MGAT4C: variants seen among roughly 807,000 people sequenced by gnomAD.
The protein encoded by MGAT4C is MGAT4 family member C, also known as alpha-1,3-mannosyl-glycoprotein 4-beta-N-acetylglucosaminyltransferase C.
MGAT4C carries 19 observed loss-of-function variants against 40.1 expected under a neutral mutation model. The ratio of observed to expected loss-of-function variants is 0.47; its 90% CI spans 0.33 to 0.70. MGAT4C has a LOEUF of 0.70. MGAT4C is among the 30% of genes least tolerant of loss of function. The pLI is 0.02. For missense variants in MGAT4C, 491 were observed against 563.2 expected (o/e 0.87, Z 1.30); for synonymous variants, 181 against 187.1 (o/e 0.97, Z 0.27).
intron 2 of MGAT4C, among the ~76,000 whole-genome samples, chr12:86,585,754 T>C (rs10858447): frequency 9.7e-5 from 14 of 143,896 alleles, no homozygotes; most frequent in Non-Finnish European, 1.8e-4. Flanking sequence ...TTAATTTTTC[T>C]TTTTTTTTTT....
At chr12:86,342,605 A>AT (rs1954928143) in intron 3 of MGAT4C, among the ~76,000 whole-genome samples, 1 of 151,926 alleles carries the variant, frequency 6.6e-6, no homozygotes, top group African/African-American at 2.4e-5. Flanking sequence ...CGCCCGGCTA[A>AT]TTTTTTTGTA....
chr12:86,666,054 T>C (rs981209961), intron 2 of MGAT4C, among the ~76,000 whole-genome samples: 4 of 152,144 alleles, frequency 2.6e-5, no homozygotes, highest in African/African-American at 7.2e-5. Context: ...ACTTGGCCAA[T>C]GAAACTGGAA....
At chr12:86,017,959 A>G (rs1277677380) in intron 2 of MGAT4C, among the ~76,000 whole-genome samples, 5 of 152,164 alleles carry the variant, frequency 3.3e-5, no homozygotes, top group African/African-American at 1.2e-4. Context: ...AAAAATGCTC[A>G]TTTATTAAGG....
intron 1 of MGAT4C, among the ~76,000 whole-genome samples, chr12:86,811,962 T>C (rs928718534): frequency 1.3e-5 from 2 of 152,268 alleles, no homozygotes; most frequent in Non-Finnish European, 2.9e-5. Context: ...TATACATTTT[T>C]CTCTCAGCAT....
intron 2 of MGAT4C, among the ~76,000 whole-genome samples, chr12:86,472,743 T>C (rs561493720): frequency 6.6e-6 from 1 of 152,234 alleles, no homozygotes; most frequent in South Asian, 2.1e-4. Flanking sequence ...AGAAGCAGTT[T>C]TGAGTCTTAG....
chr12:86,213,649 A>G (rs1477402150), intron 1 of MGAT4C, among the ~76,000 whole-genome samples: 1 of 152,228 alleles, frequency 6.6e-6, no homozygotes, highest in Admixed American at 6.5e-5. Flanking sequence ...CTGAAAATGC[A>G]TCAGCATGCT....
At chr12:86,291,848 AAG>A (rs1953526728) in intron 4 of MGAT4C, among the ~76,000 whole-genome samples, 1 of 152,150 alleles carries the variant, frequency 6.6e-6, no homozygotes, top group South Asian at 2.1e-4. Context: ...GGGTAAGTGG[AAG>A]ATATGAAAAA....
intron 2 of MGAT4C, among the ~76,000 whole-genome samples, chr12:86,475,790 T>G (rs1957825785): frequency 6.6e-6 from 1 of 152,088 alleles, no homozygotes; most frequent in Non-Finnish European, 1.5e-5. Context: ...CTGCTATAAA[T>G]ACAAATTGAT....
chr12:85,972,769 T>C lies in MGAT4C; in HGVS notation c.*6520A>G, dbSNP rs1167895101. 6.6e-6 allele frequency: 1 copy of C among 151,038 alleles called. No individual in the cohort carries two copies. The highest frequency in any genetic ancestry group is 2.4e-5 in the African/African-American group (1 of 41,342). 9.4% of individuals were successfully genotyped at this position (151,038 alleles called of 1,614,324 possible). On this transcript the variant is annotated 3_prime_UTR_variant, in exon 5 of 5. Transcript: ENST00000611864. ...AAGGATCTGAGATAATTATTCTAAC[T>C]TTTTGGAACTATACTTTCACTCATT... is the stretch of plus-strand genomic sequence containing the variant.
chr12:86,808,527 A>AAC (rs1952407364), intron 1 of MGAT4C, among the ~76,000 whole-genome samples: 1 of 152,102 alleles, frequency 6.6e-6, no homozygotes, highest in African/African-American at 2.4e-5. Context: ...AAAGACAAGA[A>AAC]ACACATGGTT....
intron 1 of MGAT4C, among the ~76,000 whole-genome samples, chr12:86,150,205 C>G (rs548197837): frequency 1.3e-5 from 2 of 152,172 alleles, no homozygotes; most frequent in African/African-American, 4.8e-5. Context: ...GCTGATCTTA[C>G]AAGACATGAA....
chr12:86,437,590 T>C (rs1273870948), intron 2 of MGAT4C, among the ~76,000 whole-genome samples: 1 of 151,952 alleles, frequency 6.6e-6, no homozygotes, highest in African/African-American at 2.4e-5. Flanking sequence ...ATTTGCTTTA[T>C]TGTACTTTGT....
intron 2 of MGAT4C, among the ~76,000 whole-genome samples, chr12:86,703,380 A>T (rs1313834418): frequency 6.6e-6 from 1 of 151,756 alleles, no homozygotes. Flanking sequence ...TTGTAAAAGG[A>T]AGAGTAAATA....
intron 2 of MGAT4C, among the ~76,000 whole-genome samples, chr12:86,559,698 G>T (rs1407715791): frequency 6.6e-6 from 1 of 151,410 alleles, no homozygotes; most frequent in Admixed American, 6.6e-5. Context: ...ACATCAAAAA[G>T]GATAAATTTT....
chr12:86,809,619 C>T lies in MGAT4C; in HGVS notation c.-262+29047G>A, dbSNP rs1406990799. Among the ~76,000 whole-genome samples, 3 of 151,878 alleles carry T rather than the reference C, an allele frequency of 2.0e-5. No individual in the cohort carries two copies. The East Asian group carries it at 5.8e-4, about 29-fold the overall frequency. On this transcript the variant is annotated intron_variant, in intron 1 of 7. Transcript: ENST00000548651. ...TATTGTGGTTTTGATTTATATTTTC[C>T]TGCTGCATAATAATGTTGAATAGCT...
intron 3 of MGAT4C, among the ~76,000 whole-genome samples, chr12:86,362,436 T>C (rs1352739256): frequency 1.3e-5 from 2 of 152,076 alleles, no homozygotes; most frequent in Non-Finnish European, 2.9e-5. Context: ...TATATGTAGA[T>C]GTAACAAACC....
chr12:86,767,489 A>C (rs1312800438), intron 1 of MGAT4C, among the ~76,000 whole-genome samples: 1 of 152,204 alleles, frequency 6.6e-6, no homozygotes, highest in African/African-American at 2.4e-5. Flanking sequence ...CAATAGAAAA[A>C]GAGGGAATCC....
At chr12:86,670,595 C>T (rs1436721648) in intron 2 of MGAT4C, among the ~76,000 whole-genome samples, 3 of 152,038 alleles carry the variant, frequency 2.0e-5, no homozygotes, top group Non-Finnish European at 4.4e-5. Context: ...CACCACCAAT[C>T]CTATAAGTTG....
At chr12:86,750,473 G>C (rs77360974) in intron 1 of MGAT4C, among the ~76,000 whole-genome samples, 1,807 of 151,916 alleles carry the variant, frequency 0.012, 93 homozygotes, top group East Asian at 0.036. Flanking sequence ...ATTTGAGTGT[G>C]AGATGCTTGC....
Sources: gnomAD v4.1 joint callset for allele counts (sites outside exome capture counted in the v4.1 genomes callset) on GRCh38, gnomAD v4.1.1 for gene constraint, MANE v1.5 for transcripts, NCBI Gene and HGNC (gene_info 2026-07-23, HGNC 2026-07-21) for gene names.